Variants in TTC7B observed in about 807,000 individuals in gnomAD.
The protein encoded by TTC7B is tetratricopeptide repeat domain 7B.
Under a neutral mutation model 106.8 loss-of-function variants are expected in TTC7B, and 28 were observed. The observed-to-expected ratio is 0.26, with a 90% CI of 0.19 to 0.36. The LOEUF is 0.36. Ranked by LOEUF, TTC7B falls within the 10% of genes least tolerant of loss-of-function variation. The pLI, the probability that TTC7B is intolerant of heterozygous loss-of-function variation, is 1.00. For synonymous variants in TTC7B, 405 were observed against 430.6 expected, an observed-to-expected ratio of 0.94 and a Z score of 0.74; for missense variants, 862 against 1,076.4, an observed-to-expected ratio of 0.80 and a Z score of 2.79.
chr14:90,660,361 C>T (rs1490062161), intron 9 of TTC7B, among the ~76,000 whole-genome samples: 1 of 128,080 alleles, frequency 7.8e-6, no homozygotes, highest in Non-Finnish European at 1.5e-5. Flanking sequence ...CCACTGCATT[C>T]CAGCCTGGGC....
Position 90,657,350 on chromosome 14 carries a change from G to C in TTC7B, c.1237-72C>G. ...AACCGAATACTACAGCCTTCTCAGA[G>C]GGGTTTTTGGTCAGGGTGACCTCCT... On this transcript the variant is annotated intron_variant, in intron 10 of 19. Coordinates refer to ENST00000328459, the MANE Select transcript of TTC7B (RefSeq NM_001010854.2). The surrounding 1 kb of genome is among the most constrained non-coding windows in gnomAD (Gnocchi z 4.2). 1.3e-6 allele frequency: 2 copies of C among 1,495,278 alleles called. No individual in the cohort carries two copies. The highest frequency in any genetic ancestry group is 4.6e-5 in the East Asian group (2 of 43,440). 92.6% of individuals were successfully genotyped at this position (1,495,278 alleles called of 1,614,324 possible).
rs1884367309 is a variant in TTC7B, at chr14:90,624,847, G to T, written c.1752-6802C>A. ...CCTTGAACATTTCGTATCTTGTGCT[G>T]ATCTGTGTTTGCGAGCTCCTGGGCT... On this transcript the variant is annotated intron_variant, in intron 15 of 19. Coordinates refer to ENST00000328459, the MANE Select transcript of TTC7B (RefSeq NM_001010854.2). The surrounding 1 kb of genome is among the most constrained non-coding windows in gnomAD (Gnocchi z 4.0). 1.3e-5 allele frequency among the ~76,000 whole-genome samples: 2 copies of T among 152,232 alleles called. No homozygotes were observed. The highest frequency in any genetic ancestry group is 4.8e-5 in the African/African-American group (2 of 41,464).
At chr14:90,620,011 A>G (rs1235248242) in intron 15 of TTC7B, among the ~76,000 whole-genome samples, 1 of 152,134 alleles carries the variant, frequency 6.6e-6, no homozygotes, top group Non-Finnish European at 1.5e-5. Flanking sequence ...AGGTGGAATG[A>G]AAGTGGTCCT....
intron 15 of TTC7B, among the ~76,000 whole-genome samples, chr14:90,635,847 C>T (rs143319370): frequency 1.9e-3 from 283 of 151,174 alleles, no homozygotes; most frequent in African/African-American, 6.5e-3. Context: ...TGGCCGAGTG[C>T]GGTGGCTCAC....
chr14:90,578,224 T>C lies in TTC7B; in HGVS notation c.2192A>G (p.Asn731Ser). Residue 731 changes from asparagine (N) to serine (S), a missense_variant, in exon 19 of 20, where the codon AAT becomes AGT. Transcript: ENST00000328459. This position sits in a 1 kb window ranked among gnomAD's most constrained non-coding sequence, Gnocchi z 4.7. The stretch of plus-strand genomic sequence containing the variant: ...AATCTGGCCGCGCATGTAGAGGACA[T>C]TGTGGGACATTGGGAAGAGGTTGGC... The part of the protein sequence containing the change: ...EAANLFPMSH[N>S]VLYMRGQIAE... 1.2e-6 allele frequency: 2 copies of C among 1,614,228 alleles called. No individual in the cohort carries two copies. Among genetic ancestry groups the C allele is most frequent in the Non-Finnish European group, 1.7e-6 (2 of 1,180,040 alleles).
intron 3 of TTC7B, among the ~76,000 whole-genome samples, chr14:90,756,359 A>G (rs1890293243): frequency 1.4e-5 from 2 of 138,196 alleles, no homozygotes; most frequent in Middle Eastern, 3.7e-3. Context: ...AAGATGTTTT[A>G]TTTTATTTTC....
Position 90,537,747 on chromosome 14 carries a change from C to G in TTC7B, c.*3621G>C, listed in dbSNP as rs1889454300. 6.6e-6 allele frequency: 1 copy of G among 152,126 alleles called. No individual in the cohort carries two copies. The highest frequency in any genetic ancestry group is 1.5e-5 in the Non-Finnish European group (1 of 68,060). 9.4% of individuals were successfully genotyped at this position (152,126 alleles called of 1,614,324 possible). On this transcript the variant is annotated 3_prime_UTR_variant, in exon 20 of 20. Coordinates refer to ENST00000328459, the MANE Select transcript of TTC7B (RefSeq NM_001010854.2). Reference sequence around the variant, plus strand: ...CCCTAGTCACCTTCTAAACAGCAGCCCTGCCACTCCCTACACCCCTTCCCT... The same window carrying G: ...CCCTAGTCACCTTCTAAACAGCAGCGCTGCCACTCCCTACACCCCTTCCCT...
In TTC7B at chr14:90,759,841, T is replaced by TA. The variant is rs1450837623; in HGVS notation, c.446-14920dup. On this transcript the variant is annotated intron_variant, in intron 3 of 19. Transcript: ENST00000328459. The surrounding 1 kb of genome is among the most constrained non-coding windows in gnomAD (Gnocchi z 4.1). ...GCCCCTGGATGCCAGGGCAAAATGT[T>TA]AAAGAATGGCCCCGTCACAGGCACC... 6.6e-6 allele frequency among the ~76,000 whole-genome samples: 1 copy of TA among 152,186 alleles called. No individual in the cohort carries two copies. Among genetic ancestry groups the TA allele is most frequent in the Non-Finnish European group, 1.5e-5 (1 of 68,024 alleles).
Position 90,531,430 on chromosome 14 carries a change from AAAACAAAAAAAC to A in TTC7B, c.*9926_*9937del, listed in dbSNP as rs1034017263. 7 of 149,974 alleles carry A rather than the reference AAAACAAAAAAAC, an allele frequency of 4.7e-5. No homozygotes were observed. The highest frequency in any genetic ancestry group is 1.0e-4 in the Non-Finnish European group (7 of 67,984). The allele number at this position is 149,974 out of a possible 1,614,324, so 9.3% of individuals were successfully genotyped here. A position where few individuals can be genotyped will look rare whatever the true frequency, so the allele number is the denominator to read the frequency against. On this transcript the variant is annotated 3_prime_UTR_variant, in exon 20 of 20. Transcript: ENST00000328459. Reference sequence around the variant, plus strand: ...ACTAAGCACAAAAAATCAAAAATACAAAACAAAAAAACAAACAAAAAAAAAACAAAAAACAAA... The same window carrying A: ...ACTAAGCACAAAAAATCAAAAATACAAAACAAAAAAAAAACAAAAAACAAA...
intron 19 of TTC7B, among the ~76,000 whole-genome samples, chr14:90,542,484 C>T (rs1019779216): frequency 1.3e-5 from 2 of 152,178 alleles, no homozygotes; most frequent in Non-Finnish European, 1.5e-5. Flanking sequence ...GATGCGTGTA[C>T]TCGCTCATCC....
chr14:90,714,025 C>T (rs1888549568), intron 5 of TTC7B, among the ~76,000 whole-genome samples: 2 of 152,024 alleles, frequency 1.3e-5, no homozygotes, highest in East Asian at 1.9e-4. Flanking sequence ...GTCGGGAGTT[C>T]GAGACCAGCC....
chr14:90,593,589 C>T lies in TTC7B; in HGVS notation c.2004G>A (p.Val668=), dbSNP rs760218603. The T allele has an allele frequency of 6.2e-7, 1 of 1,612,100 alleles. No homozygotes were observed. Among genetic ancestry groups the T allele is most frequent in the East Asian group, 2.2e-5 (1 of 44,794 alleles). The change falls in exon 18 of 20, where the codon GTG becomes GTA. Residue 668 remains valine, a synonymous_variant. Coordinates refer to ENST00000328459, the MANE Select transcript of TTC7B (RefSeq NM_001010854.2). ...AAGCCACTTCCGACAGTGCCTGCTC[C>T]ACTCTTGAGGCTGCTACCGATGTGG... ...VHATSVAASR[V]EQALSEVASS...
Position 90,657,523 on chromosome 14 carries a change from C to A in TTC7B, c.1237-245G>T. 1 of 365,770 alleles carries A rather than the reference C, an allele frequency of 2.7e-6. No homozygotes were observed. The highest frequency in any genetic ancestry group is 5.9e-5 in the South Asian group (1 of 16,906). 22.7% of individuals were successfully genotyped at this position (365,770 alleles called of 1,614,324 possible). A position where few individuals can be genotyped will look rare whatever the true frequency, so the allele number is the denominator to read the frequency against. ...GGCGCCACCTGAATTTCATTCCATA[C>A]TTGTGTAGCTATTGGAAAATTAAGA... On this transcript the variant is annotated intron_variant, in intron 10 of 19. Transcript: ENST00000328459. This position sits in a 1 kb window ranked among gnomAD's most constrained non-coding sequence, Gnocchi z 4.2.
intron 1 of TTC7B, among the ~76,000 whole-genome samples, chr14:90,792,362 A>G (rs1319779212): frequency 6.6e-6 from 1 of 152,106 alleles, no homozygotes; most frequent in Non-Finnish European, 1.5e-5. Context: ...GGATCGCTTG[A>G]GGTCAGGAGT....
At chr14:90,550,067 T>C (rs1890012057) in intron 19 of TTC7B, among the ~76,000 whole-genome samples, 1 of 152,204 alleles carries the variant, frequency 6.6e-6, no homozygotes, top group Non-Finnish European at 1.5e-5. Context: ...CACCGCCTTC[T>C]AACTGCCACA....
chr14:90,686,419 C>T (rs1211116482), intron 7 of TTC7B, among the ~76,000 whole-genome samples: 3 of 152,158 alleles, frequency 2.0e-5, no homozygotes, highest in Admixed American at 6.5e-5. Context: ...AGGAATGAGA[C>T]AAGGATATCC....
intron 5 of TTC7B, among the ~76,000 whole-genome samples, chr14:90,700,023 A>C (rs957277390): frequency 6.6e-6 from 1 of 152,208 alleles, no homozygotes; most frequent in African/African-American, 2.4e-5. Context: ...CGAATGAACC[A>C]AGACAATGAG....
chr14:90,630,461 G>A (rs1020596995), intron 15 of TTC7B, among the ~76,000 whole-genome samples: 1 of 152,190 alleles, frequency 6.6e-6, no homozygotes, highest in Non-Finnish European at 1.5e-5. Context: ...AGCTCAGAAA[G>A]TTTCGTTTCT....
At chr14:90,767,027 C>T in intron 3 of TTC7B, 1 of 626,016 alleles carries the variant, frequency 1.6e-6, no homozygotes, top group South Asian at 2.9e-5. Context: ...AGTTTATATA[C>T]CAAAAAAAAA....
Sources: gnomAD v4.1 joint callset for allele counts (sites outside exome capture counted in the v4.1 genomes callset) on GRCh38, gnomAD v4.1.1 for gene constraint, Gnocchi (gnomAD v3.1) non-coding constraint, MANE v1.5 for transcripts, NCBI Gene and HGNC (gene_info 2026-07-23, HGNC 2026-07-21) for gene names.